Variants in GRID2IP observed in about 807,000 individuals in gnomAD.
GRID2IP encodes the protein delphilin.
Under a neutral mutation model 114.3 loss-of-function variants are expected in GRID2IP, and 78 were observed. The observed-to-expected ratio is 0.68, with a 90% CI of 0.57 to 0.82. The LOEUF is 0.82. Ranked by LOEUF, GRID2IP falls within the 40% of genes least tolerant of loss-of-function variation. GRID2IP has a pLI of 0.00. For synonymous variants in GRID2IP, 809 were observed against 724.0 expected (o/e 1.12, Z -1.89); for missense variants, 1,727 against 1,678.5 (o/e 1.03, Z -0.51).
Position 6,508,948 on chromosome 7 carries a change from G to T in GRID2IP, c.2127+10C>A, listed in dbSNP as rs1265541416. The T allele has an allele frequency of 5.2e-6, 8 of 1,543,380 alleles. No homozygotes were observed. Among genetic ancestry groups the T allele is most frequent in the Admixed American group, 2.0e-5 (1 of 50,696 alleles). ...CACCCGCCTCCCTCCACACCTGCTT[G>T]CGTGCCCACCTCCTCGTAGTCGTTC... On this transcript the variant is annotated intron_variant, in intron 12 of 21. Transcript: ENST00000457091. This position sits in a 1 kb window ranked among gnomAD's most constrained non-coding sequence, Gnocchi z 5.6.
intron 2 of GRID2IP, chr7:6,531,205 A>AGC: frequency 2.2e-6 from 1 of 448,850 alleles, no homozygotes; most frequent in Middle Eastern, 5.9e-4. Flanking sequence ...CTGCCCTGCG[A>AGC]GCGCGCGCGG....
In GRID2IP at chr7:6,504,779, C is replaced by T; in HGVS notation, c.2710+14G>A. 1.3e-6 allele frequency: 2 copies of T among 1,548,202 alleles called. No individual in the cohort carries two copies. Among genetic ancestry groups the T allele is most frequent in the South Asian group, 1.2e-5 (1 of 84,016 alleles). Reference sequence around the variant, plus strand: ...CCTGCCCCCTACACCCCCTGGGGTTCCCCGGACCCTCACAGGTGTTGTAGG... The same window carrying T: ...CCTGCCCCCTACACCCCCTGGGGTTTCCCGGACCCTCACAGGTGTTGTAGG... On this transcript the variant is annotated intron_variant, in intron 15 of 21. Transcript: ENST00000457091.
chr7:6,512,231 C>CTTCTTTTTTTTTTTTTTTT (rs1157560127), intron 8 of GRID2IP, among the ~76,000 whole-genome samples: 1 of 90,196 alleles, frequency 1.1e-5, no homozygotes, highest in Non-Finnish European at 2.1e-5. Context: ...TTCTTTTCTT[C>CTTCTTTTTTTTTTTTTTTT]TTTTTTTTTT....
Position 6,503,152 on chromosome 7 carries a change from A to C in GRID2IP, c.2919T>G (p.Val973=). 1 of 1,530,214 alleles carries C rather than the reference A, an allele frequency of 6.5e-7. No individual in the cohort carries two copies. Among genetic ancestry groups the C allele is most frequent in the South Asian group, 1.2e-5 (1 of 81,930 alleles). 94.8% of individuals were successfully genotyped at this position (1,530,214 alleles called of 1,614,324 possible). The part of the protein sequence containing the change: ...PDQFVLQMLS[V]PEYKTRLRSL... Reference sequence around the variant, plus strand: ...TGCGCAGGCGTGTCTTGTATTCGGGAACTGACAGCATCTGCCTCGAAGGCA... The same window carrying C: ...TGCGCAGGCGTGTCTTGTATTCGGGCACTGACAGCATCTGCCTCGAAGGCA... Residue 973 remains valine, a synonymous_variant, in exon 17 of 22, where the codon GTT becomes GTG. Coordinates refer to ENST00000457091, the MANE Select transcript of GRID2IP (RefSeq NM_001145118.2).
At position 6,509,360 on chromosome 7, in the gene GRID2IP, G is replaced by T. The variant is rs774568882; in HGVS notation, c.1772-47C>A. The T allele has an allele frequency of 6.9e-7, 1 of 1,443,216 alleles. No individual in the cohort carries two copies. The highest frequency in any genetic ancestry group is 1.5e-5 in the South Asian group (1 of 68,406). 89.4% of individuals were successfully genotyped at this position (1,443,216 alleles called of 1,614,324 possible). On this transcript the variant is annotated intron_variant, in intron 11 of 21. Transcript: ENST00000457091. This position sits in a 1 kb window ranked among gnomAD's most constrained non-coding sequence, Gnocchi z 4.9. ...AGGATTCCTCTTCAGCCAGCACCGA[G>T]GTTCCAGGTGCAAGCTGGAGAGAGG...
chr7:6,524,355 A>C (rs1398799560), intron 4 of GRID2IP, among the ~76,000 whole-genome samples: 1 of 152,192 alleles, frequency 6.6e-6, no homozygotes, highest in Admixed American at 6.5e-5. Flanking sequence ...CATTACACTT[A>C]GGTGCTGGGA....
chr7:6,522,805 A>ATG (rs776645557), intron 4 of GRID2IP, among the ~76,000 whole-genome samples: 38 of 57,044 alleles, frequency 6.7e-4, no homozygotes, highest in Non-Finnish European at 1.4e-3. Flanking sequence ...TGCCTGGCTA[A>ATG]TATGTGTGTG....
chr7:6,525,581 C>G (rs1583346498), intron 4 of GRID2IP, among the ~76,000 whole-genome samples: 1 of 152,076 alleles, frequency 6.6e-6, no homozygotes, highest in South Asian at 2.1e-4. Context: ...TTGCAATGAG[C>G]CAAGATTGCA....
intron 1 of GRID2IP, among the ~76,000 whole-genome samples, chr7:6,547,443 G>C (rs1169915658): frequency 6.6e-6 from 1 of 151,968 alleles, no homozygotes; most frequent in Non-Finnish European, 1.5e-5. Flanking sequence ...AGCTACTAGA[G>C]AGGCTGAGGC....
chr7:6,526,119 G>C lies in GRID2IP; in HGVS notation c.919+105C>G. 1 of 850,470 alleles carries C rather than the reference G, an allele frequency of 1.2e-6. No homozygotes were observed. Among genetic ancestry groups the C allele is most frequent in the Non-Finnish European group, 1.9e-6 (1 of 517,586 alleles). The allele number at this position is 850,470 out of a possible 1,614,324, so 52.7% of individuals were successfully genotyped here. A position where few individuals can be genotyped will look rare whatever the true frequency, so the allele number is the denominator to read the frequency against. ...TGGTACCTGACGTGGAGGGGTTGCT[G>C]AGCAGGAGCCTACATGGGGTACAAT... On this transcript the variant is annotated intron_variant, in intron 4 of 21. Transcript: ENST00000457091. The surrounding 1 kb of genome is among the most constrained non-coding windows in gnomAD (Gnocchi z 7.6).
chr7:6,514,366 G>A lies in GRID2IP; in HGVS notation c.1423+9C>T, dbSNP rs1282552331. ...CAGGCAGGGAAGTGGCAGGGGAGAG[G>A]ACGCTTACCTGTCATGGCCGTGTAG... is the stretch of plus-strand genomic sequence containing the variant. On this transcript the variant is annotated intron_variant, in intron 8 of 21. Transcript: ENST00000457091. 4.0e-6 allele frequency: 6 copies of A among 1,497,354 alleles called. No individual in the cohort carries two copies. The highest frequency in any genetic ancestry group is 5.0e-5 in the East Asian group (2 of 39,996). 92.8% of individuals were successfully genotyped at this position (1,497,354 alleles called of 1,614,324 possible).
intron 1 of GRID2IP, among the ~76,000 whole-genome samples, chr7:6,546,933 G>A (rs886714861): frequency 3.3e-5 from 5 of 152,126 alleles, no homozygotes; most frequent in East Asian, 1.9e-4. Flanking sequence ...GGCATTACTC[G>A]CACTCACCAA....
At chr7:6,503,304 G>C in intron 16 of GRID2IP, 141 bp from the exon 17 acceptor site, 1 of 1,072,046 alleles carries the variant, frequency 9.3e-7, no homozygotes, top group Non-Finnish European at 1.3e-6. Context: ...CGATCCCTGG[G>C]GGAGCCCGCC....
chr7:6,550,971 C>G (rs1314447372), intron 1 of GRID2IP, 37 bp downstream of exon 1: 1 of 1,167,590 alleles, frequency 8.6e-7, no homozygotes, highest in Non-Finnish European at 1.1e-6. Context: ...TATGAGCCCC[C>G]TCCTTCCCGC....
intron 2 of GRID2IP, among the ~76,000 whole-genome samples, chr7:6,531,787 G>A (rs1779631299): frequency 6.6e-6 from 1 of 152,206 alleles, no homozygotes; most frequent in Admixed American, 6.5e-5. Context: ...CAGGAGAGGT[G>A]GAAGGACTCC....
intron 1 of GRID2IP, among the ~76,000 whole-genome samples, chr7:6,542,033 G>A (rs909763069): frequency 1.3e-5 from 2 of 151,182 alleles, no homozygotes; most frequent in African/African-American, 4.9e-5. Context: ...CAGGCGCGGT[G>A]GCTCACACCT....
chr7:6,541,641 T>C (rs950381434), intron 1 of GRID2IP, among the ~76,000 whole-genome samples: 5 of 151,986 alleles, frequency 3.3e-5, no homozygotes, highest in African/African-American at 1.2e-4. Context: ...CAAATAGACA[T>C]GGTGGAAACG....
intron 13 of GRID2IP, 31 bp from the exon 14 acceptor site, chr7:6,505,938 G>C (rs567526792): frequency 1.4e-6 from 2 of 1,465,066 alleles, no homozygotes; most frequent in East Asian, 2.5e-5. Context: ...TTCAGAGTAG[G>C]AGGAGCAGCA....
intron 9 of GRID2IP, 61 bp downstream of exon 9, chr7:6,510,847 C>T (rs1041932478): frequency 6.9e-5 from 105 of 1,517,690 alleles, no homozygotes; most frequent in Non-Finnish European, 9.0e-5. Context: ...CCTCACCAAG[C>T]CCATTTTGCA....
Sources: gnomAD v4.1 joint callset for allele counts (sites outside exome capture counted in the v4.1 genomes callset) on GRCh38, gnomAD v4.1.1 for gene constraint, Gnocchi (gnomAD v3.1) non-coding constraint, MANE v1.5 for transcripts, NCBI Gene and HGNC (gene_info 2026-07-23, HGNC 2026-07-21) for gene names.